LINGO2: variants seen among roughly 807,000 people sequenced by gnomAD.
LINGO2 encodes leucine rich repeat and Ig domain containing 2, also known as leucine-rich repeat and immunoglobulin-like domain-containing nogo receptor-interacting protein 2.
Under a neutral mutation model 30.6 loss-of-function variants are expected in LINGO2, and 14 were observed. The observed-to-expected ratio is 0.46, with a 90% CI of 0.30 to 0.72. The LOEUF is 0.72. Among genes scored for constraint, LINGO2 ranks in the 30% least tolerant of loss-of-function variants. The pLI, the probability that LINGO2 is intolerant of heterozygous loss-of-function variation, is 0.07. For missense variants in LINGO2, 729 were observed against 751.7 expected (o/e 0.97, Z 0.35); for synonymous variants, 317 against 288.5 (o/e 1.10, Z -1.00).
chr9:29,207,678 T>A, the LINGO2 span, among the ~76,000 whole-genome samples: 1 of 152,092 alleles, frequency 6.6e-6, no homozygotes, highest in East Asian at 1.9e-4. Flanking sequence ...TTAGTCTTAC[T>A]CATTTTGTTA....
At chr9:28,515,035 T>A (rs1820562844) in intron 1 of LINGO2, among the ~76,000 whole-genome samples, 1 of 152,028 alleles carries the variant, frequency 6.6e-6, no homozygotes, top group Non-Finnish European at 1.5e-5. Context: ...GAATAAAAGA[T>A]TCCTTTCAAA....
intron 1 of LINGO2, among the ~76,000 whole-genome samples, chr9:28,592,360 A>G (rs1219564726): frequency 6.6e-6 from 1 of 152,114 alleles, no homozygotes; most frequent in Non-Finnish European, 1.5e-5. Context: ...ATATTTGTAA[A>G]TGCAAAATCT....
the LINGO2 span, among the ~76,000 whole-genome samples, chr9:28,920,689 C>T: frequency 1.2e-4 from 18 of 151,272 alleles, 1 homozygote; most frequent in Non-Finnish European, 2.7e-4. Flanking sequence ...TGTGAAATCA[C>T]AAATGTCAGA....
chr9:28,821,199 A>G, the LINGO2 span, among the ~76,000 whole-genome samples: 8 of 152,224 alleles, frequency 5.3e-5, no homozygotes, highest in African/African-American at 1.9e-4. Context: ...TGCACTGACT[A>G]GGGGCATATC....
intron 2 of LINGO2, among the ~76,000 whole-genome samples, chr9:28,384,095 A>AT (rs1236157839): frequency 6.6e-6 from 1 of 151,836 alleles, no homozygotes; most frequent in African/African-American, 2.4e-5. Flanking sequence ...ATATTACTAT[A>AT]TTACTGATCT....
At chr9:28,028,661 T>C (rs1823507795) in intron 4 of LINGO2, among the ~76,000 whole-genome samples, 1 of 152,200 alleles carries the variant, frequency 6.6e-6, no homozygotes, top group African/African-American at 2.4e-5. Flanking sequence ...AACCTATGCA[T>C]ATCCTTCCAT....
At chr9:28,860,835 A>T in the LINGO2 span, among the ~76,000 whole-genome samples, 1 of 148,414 alleles carries the variant, frequency 6.7e-6, no homozygotes, top group East Asian at 2.0e-4. Flanking sequence ...TGTGTCACTT[A>T]AGAAACTAAA....
intron 1 of LINGO2, among the ~76,000 whole-genome samples, chr9:28,489,896 C>CAAA (rs36068240): frequency 1.2e-3 from 80 of 66,754 alleles, no homozygotes; most frequent in East Asian, 4.0e-3. Context: ...GACTTTGTCT[C>CAAA]AAAAAAAAAA....
chr9:28,557,906 A>G (rs1822821551), intron 1 of LINGO2, among the ~76,000 whole-genome samples: 1 of 150,500 alleles, frequency 6.6e-6, no homozygotes, highest in Non-Finnish European at 1.5e-5. Flanking sequence ...ACAAAAAACC[A>G]AACACCACGT....
the LINGO2 span, among the ~76,000 whole-genome samples, chr9:28,903,087 A>T: frequency 0.74 from 112,328 of 151,500 alleles, 41,792 homozygotes; most frequent in Non-Finnish European, 0.78. Context: ...CAAAAGGAAG[A>T]GCTTTTTTTT....
chr9:28,554,523 G>T (rs1299677816), intron 1 of LINGO2, among the ~76,000 whole-genome samples: 3 of 147,414 alleles, frequency 2.0e-5, no homozygotes, highest in African/African-American at 7.6e-5. Context: ...CCTACAAAGA[G>T]ACTTAGACTC....
At chr9:28,259,567 G>T (rs767484058) in intron 4 of LINGO2, among the ~76,000 whole-genome samples, 6 of 151,760 alleles carry the variant, frequency 4.0e-5, no homozygotes, top group African/African-American at 1.5e-4. Flanking sequence ...GAAATACAGG[G>T]AAGAAGAGAG....
chr9:28,050,460 TTAA>T lies in LINGO2; in HGVS notation c.-86-38058_-86-38056del, dbSNP rs766986723. Among the ~76,000 whole-genome samples the T allele has an allele frequency of 2.3e-4, 35 of 150,896 alleles. 1 individual carries two copies. The highest frequency in any genetic ancestry group is 3.4e-4 in the Non-Finnish European group (23 of 67,882). ...CAATCTAAAAACTCTTCAAAAGCTA[TTAA>T]TGTCATTCAAGAAAAACCACTGGGA... On this transcript the variant is annotated intron_variant, in intron 4 of 5. Transcript: ENST00000379992.
chr9:29,011,290 T>G, the LINGO2 span, among the ~76,000 whole-genome samples: 1 of 152,178 alleles, frequency 6.6e-6, no homozygotes, highest in South Asian at 2.1e-4. Context: ...CATTTGTAGG[T>G]GAGTGAATAC....
At chr9:29,166,343 G>A in the LINGO2 span, among the ~76,000 whole-genome samples, 113 of 152,146 alleles carry the variant, frequency 7.4e-4, no homozygotes, top group African/African-American at 2.6e-3. Flanking sequence ...TTTTACTTAA[G>A]CCAGAATATT....
chr9:28,983,472 ATAAAT>A, the LINGO2 span, among the ~76,000 whole-genome samples: 3 of 152,028 alleles, frequency 2.0e-5, no homozygotes, highest in South Asian at 2.1e-4. Flanking sequence ...TAATATAGTA[ATAAAT>A]TAAAGTTCTT....
chr9:28,887,210 G>C, the LINGO2 span, among the ~76,000 whole-genome samples: 1 of 152,098 alleles, frequency 6.6e-6, no homozygotes, highest in Admixed American at 6.6e-5. Flanking sequence ...AGAGATGTCT[G>C]CTGAGTTGAT....
chr9:27,988,421 C>T (rs1383574730), intron 5 of LINGO2, among the ~76,000 whole-genome samples: 1 of 152,068 alleles, frequency 6.6e-6, no homozygotes, highest in Non-Finnish European at 1.5e-5. Flanking sequence ...TGAGGAATCA[C>T]CACACTGTCT....
intron 1 of LINGO2, among the ~76,000 whole-genome samples, chr9:28,577,778 T>G (rs1824062467): frequency 6.6e-6 from 1 of 152,138 alleles, no homozygotes; most frequent in African/African-American, 2.4e-5. Flanking sequence ...ACTGTATAAA[T>G]AAATGCCAAG....
Sources: allele counts gnomAD v4.1 joint callset (sites outside exome capture counted in the v4.1 genomes callset), GRCh38; gene constraint gnomAD v4.1.1; transcripts MANE v1.5; gene names NCBI Gene and HGNC (gene_info 2026-07-23, HGNC 2026-07-21).